Variants in SEMA6D observed in about 807,000 individuals in gnomAD.
SEMA6D encodes the protein semaphorin 6D.
In SEMA6D, 35 loss-of-function variants were observed where a neutral mutation model predicts 106.6. That is an observed-to-expected ratio of 0.33 (90% CI 0.25 to 0.44). SEMA6D has a LOEUF of 0.44. Ranked by LOEUF, SEMA6D falls within the 20% of genes least tolerant of loss-of-function variation. The pLI is 1.00. For synonymous variants in SEMA6D, 499 were observed against 487.7 expected (o/e 1.02, Z -0.31); for missense variants, 1,185 against 1,345.9 (o/e 0.88, Z 1.87).
rs142158617 is a variant in SEMA6D at position 47,459,754 on chromosome 15, T to G, written c.-158-10720T>G. Among the ~76,000 whole-genome samples, 373 of 152,214 alleles carry G rather than the reference T, an allele frequency of 2.5e-3. 2 individuals carry two copies. The highest frequency in any genetic ancestry group is 8.6e-3 in the African/African-American group (357 of 41,570). On this transcript the variant is annotated intron_variant, in intron 2 of 19. Transcript: ENST00000558014. ...TGCACTTAAACCAATATTAAATTCT[T>G]AAGAATTTCTGGTGGAGAGTCTATT... is the stretch of plus-strand genomic sequence containing the variant.
intron 2 of SEMA6D, among the ~76,000 whole-genome samples, chr15:47,466,770 G>A (rs2042674637): frequency 6.6e-6 from 1 of 150,926 alleles, no homozygotes; most frequent in African/African-American, 2.4e-5. Context: ...TGTCTTCCAG[G>A]CTCACCAGCT....
intron 1 of SEMA6D, among the ~76,000 whole-genome samples, chr15:47,744,303 G>A (rs1161539773): frequency 1.3e-5 from 2 of 152,178 alleles, no homozygotes; most frequent in African/African-American, 4.8e-5. Flanking sequence ...GAATATCAAT[G>A]AGAGCTAGGC....
chr15:47,410,012 G>C (rs941023124), intron 1 of SEMA6D, among the ~76,000 whole-genome samples: 3 of 151,992 alleles, frequency 2.0e-5, no homozygotes, highest in Non-Finnish European at 2.9e-5. Context: ...TTTTAAACAG[G>C]GTCTGACTCT....
chr15:47,307,067 C>T (rs2036260794), intron 1 of SEMA6D, among the ~76,000 whole-genome samples: 1 of 152,142 alleles, frequency 6.6e-6, no homozygotes, highest in South Asian at 2.1e-4. Flanking sequence ...AATTTAAATT[C>T]TCTGTGCATC....
chr15:47,581,499 T>C (rs2142999349), intron 3 of SEMA6D: 1 of 390,850 alleles, frequency 2.6e-6, no homozygotes, highest in East Asian at 8.3e-5. Context: ...GAGGCCTCTC[T>C]GAGGTCACAT....
Position 47,761,197 on chromosome 15 carries a change from T to C in SEMA6D, c.322T>C (p.Cys108Arg), listed in dbSNP as rs2082044790. The change falls in exon 5 of 19, where the codon TGT (cysteine) becomes CGT (arginine). Residue 108 changes from cysteine (C) to arginine (R), a missense_variant. Physicochemically the swap from Cys to Arg is radical, Grantham distance 180. Around this residue, in one of 3 missense-constraint regions of SEMA6D, gnomAD observed 144 missense variants for 138.6 expected, o/e 1.04. Transcript: ENST00000536845. The part of the protein sequence containing the change: ...WRSRQQDREN[C>R]AMKGKHKDEC... Reference sequence around the variant, plus strand: ...ATCAAGACAACAGGATCGAGAAAACTGTGCTATGAAAGGCAAGCATAAAGT... The same window carrying C: ...ATCAAGACAACAGGATCGAGAAAACCGTGCTATGAAAGGCAAGCATAAAGT... 1 of 1,613,684 alleles carries C rather than the reference T, an allele frequency of 6.2e-7. No individual in the cohort carries two copies.
chr15:47,277,831 C>T, intron 1 of SEMA6D, among the ~76,000 whole-genome samples: 1 of 148,920 alleles, frequency 6.7e-6, no homozygotes. Flanking sequence ...TCTCATTGTT[C>T]AATTCCCACC....
intron 2 of SEMA6D, among the ~76,000 whole-genome samples, chr15:47,463,953 G>A (rs191467936): frequency 1.2e-3 from 177 of 152,144 alleles, no homozygotes; most frequent in African/African-American, 4.0e-3. Context: ...CTTCTCTTTC[G>A]TTTATCTGTC....
intron 1 of SEMA6D, chr15:47,731,051 C>G: frequency 1.8e-6 from 1 of 570,402 alleles, no homozygotes; most frequent in Non-Finnish European, 3.1e-6. Context: ...CATGTAGCTA[C>G]CTGTGAAAAG....
chr15:47,316,732 A>T (rs1163423590), intron 1 of SEMA6D, among the ~76,000 whole-genome samples: 1 of 150,290 alleles, frequency 6.7e-6, no homozygotes, highest in African/African-American at 2.5e-5. Context: ...TGATTTTCAG[A>T]TGTTGAAATT....
chr15:47,297,554 G>A lies in SEMA6D; in HGVS notation c.-239+113136G>A, dbSNP rs531622541. 3.9e-5 allele frequency among the ~76,000 whole-genome samples: 6 copies of A among 152,224 alleles called. No homozygotes were observed. In the South Asian group the frequency reaches 8.3e-4, roughly 21 times the overall value. ...GAAGGAAGCATTTATTTACTCATTC[G>A]TTGAATACTTAATTCATGTTTACTC... On this transcript the variant is annotated intron_variant, in intron 1 of 19. Transcript: ENST00000558014.
rs190234130 is a variant in SEMA6D, at chr15:47,665,274, C to T, written c.-55+64378C>T. Among the ~76,000 whole-genome samples, 351 of 152,220 alleles carry T rather than the reference C, an allele frequency of 2.3e-3. 2 individuals are homozygous for T. Among genetic ancestry groups the T allele is most frequent in the African/African-American group, 8.0e-3 (332 of 41,546 alleles). On this transcript the variant is annotated intron_variant, in intron 4 of 19. Transcript: ENST00000558014. ...TTTCTTTGCAGCTTTAGATCATTTC[C>T]TCTACGTTTAATTGTTCTAAACTAT...
At chr15:47,746,515 G>T (rs912871209) in intron 1 of SEMA6D, among the ~76,000 whole-genome samples, 1 of 152,184 alleles carries the variant, frequency 6.6e-6, no homozygotes, top group African/African-American at 2.4e-5. Flanking sequence ...GCCTGGAAAG[G>T]CTTCATGGAG....
At chr15:47,385,849 T>G (rs1029024509) in intron 1 of SEMA6D, among the ~76,000 whole-genome samples, 1 of 152,216 alleles carries the variant, frequency 6.6e-6, no homozygotes, top group African/African-American at 2.4e-5. Flanking sequence ...TACCTAGCAC[T>G]TATTATGTTA....
chr15:47,297,775 A>G (rs1348168277), intron 1 of SEMA6D, among the ~76,000 whole-genome samples: 1 of 152,166 alleles, frequency 6.6e-6, no homozygotes, highest in African/African-American at 2.4e-5. Flanking sequence ...CCTTTGTGTG[A>G]TCAAGGGAGC....
At chr15:47,231,485 A>G (rs1181468577) in intron 1 of SEMA6D, among the ~76,000 whole-genome samples, 1 of 151,866 alleles carries the variant, frequency 6.6e-6, no homozygotes, top group African/African-American at 2.4e-5. Context: ...ACCTTCACTA[A>G]AATCCACTTT....
chr15:47,333,155 T>A (rs1036783377), intron 1 of SEMA6D, among the ~76,000 whole-genome samples: 2 of 152,158 alleles, frequency 1.3e-5, no homozygotes, highest in Non-Finnish European at 2.9e-5. Flanking sequence ...TTATTCTTTA[T>A]GACTCTTAAA....
chr15:47,763,281 A>G (rs1230083145), intron 9 of SEMA6D, among the ~76,000 whole-genome samples, 177 bp downstream of exon 9: 1 of 152,148 alleles, frequency 6.6e-6, no homozygotes, highest in Admixed American at 6.5e-5. Flanking sequence ...AAACATCTGA[A>G]CAATAACCTG....
chr15:47,755,312 C>G (rs142322254), intron 1 of SEMA6D, among the ~76,000 whole-genome samples: 1 of 152,082 alleles, frequency 6.6e-6, no homozygotes, highest in Non-Finnish European at 1.5e-5. Context: ...TCCATGTTGT[C>G]ATCTTTTTTT....
Sources: allele counts gnomAD v4.1 joint callset (sites outside exome capture counted in the v4.1 genomes callset), GRCh38; gene constraint gnomAD v4.1.1; regional missense constraint gnomAD v4.1.1; transcripts MANE v1.5; gene names NCBI Gene and HGNC (gene_info 2026-07-23, HGNC 2026-07-21).